Variants in PACRG observed in about 807,000 individuals in gnomAD.
PACRG encodes the protein parkin coregulated gene protein.
In PACRG, 29 loss-of-function variants were observed where a neutral mutation model predicts 29.7. The ratio of observed to expected loss-of-function variants is 0.98; its 90% CI spans 0.73 to 1.33. PACRG has a LOEUF of 1.33. Ranked by LOEUF, PACRG falls within the 40% of genes most tolerant of loss-of-function variation. The pLI is 0.00. For synonymous variants in PACRG, 116 were observed against 118.7 expected (o/e 0.98, Z 0.15); for missense variants, 279 against 316.2 (o/e 0.88, Z 0.89).
chr6:163,063,549 T>A (rs899857666), intron 3 of PACRG, among the ~76,000 whole-genome samples: 8 of 152,232 alleles, frequency 5.3e-5, no homozygotes, highest in Admixed American at 3.9e-4. Flanking sequence ...CCATTTTTAT[T>A]CATTCATTCG....
chr6:163,159,875 T>A (rs1365427483), intron 4 of PACRG, among the ~76,000 whole-genome samples: 2 of 152,172 alleles, frequency 1.3e-5, no homozygotes, highest in Non-Finnish European at 2.9e-5. Flanking sequence ...GTGGCCCCGA[T>A]CCTCATTCCG....
chr6:162,887,153 C>T (rs1279418048), intron 2 of PACRG, among the ~76,000 whole-genome samples: 1 of 152,200 alleles, frequency 6.6e-6, no homozygotes, highest in African/African-American at 2.4e-5. Context: ...TGCTCACCAT[C>T]ATAAGGCCAG....
chr6:163,287,774 A>G (rs921984745), intron 4 of PACRG, among the ~76,000 whole-genome samples: 3 of 152,204 alleles, frequency 2.0e-5, no homozygotes, highest in Non-Finnish European at 4.4e-5. Context: ...GAACCGGGGT[A>G]CATGTGTTGC....
intron 4 of PACRG, among the ~76,000 whole-genome samples, chr6:163,203,369 C>T (rs571621558): frequency 5.9e-5 from 9 of 152,234 alleles, no homozygotes; most frequent in African/African-American, 2.2e-4. Flanking sequence ...GCCGAGATTG[C>T]GCCATTGCAC....
At chr6:162,913,831 C>G (rs1190203020) in intron 2 of PACRG, among the ~76,000 whole-genome samples, 1 of 152,020 alleles carries the variant, frequency 6.6e-6, no homozygotes, top group Non-Finnish European at 1.5e-5. Flanking sequence ...TTTTAATGTG[C>G]TTCTATATCT....
chr6:163,034,422 G>A (rs969418422), intron 2 of PACRG, among the ~76,000 whole-genome samples: 3 of 152,122 alleles, frequency 2.0e-5, no homozygotes, highest in South Asian at 2.1e-4. Flanking sequence ...ACCAAGAGGG[G>A]CCTCTAAACC....
At chr6:162,766,705 A>C (rs956306202) in intron 1 of PACRG, among the ~76,000 whole-genome samples, 1 of 152,140 alleles carries the variant, frequency 6.6e-6, no homozygotes, top group African/African-American at 2.4e-5. Flanking sequence ...TTTCTAAGTT[A>C]TATTTTTCTA....
rs903932787 is a variant in PACRG at position 163,315,184 on chromosome 6, A to C, written c.*197A>C. ...TACATAAATAGTGTCTGTTTCTTAG[A>C]TTACAATAGTGTACTGTGCTTATTT... On this transcript the variant is annotated 3_prime_UTR_variant, in exon 5 of 5. Transcript: ENST00000366888. The C allele has an allele frequency of 6.9e-6, 4 of 583,702 alleles. No homozygotes were observed. In the Admixed American group the frequency reaches 1.3e-4, roughly 19 times the overall value. 36.2% of individuals were successfully genotyped at this position (583,702 alleles called of 1,614,324 possible).
intron 4 of PACRG, among the ~76,000 whole-genome samples, chr6:163,120,303 T>A (rs1039042862): frequency 6.6e-6 from 1 of 152,130 alleles, no homozygotes; most frequent in Non-Finnish European, 1.5e-5. Flanking sequence ...TCTTAAAGGA[T>A]CTCCCTTGTT....
intron 2 of PACRG, among the ~76,000 whole-genome samples, chr6:162,856,378 T>G (rs1265881851): frequency 6.6e-6 from 1 of 152,156 alleles, no homozygotes; most frequent in African/African-American, 2.4e-5. Context: ...ATTGTGCATA[T>G]AGCCGTGGAA....
intron 2 of PACRG, among the ~76,000 whole-genome samples, chr6:162,896,639 T>C (rs1341890121): frequency 1.3e-5 from 2 of 152,268 alleles, no homozygotes; most frequent in South Asian, 2.1e-4. Flanking sequence ...AACGTATCCA[T>C]GTGTTCATTT....
rs1285404713 is a variant in PACRG, at chr6:163,089,320, G to C, written c.525G>C (p.Leu175=). ...TCACTCTCAAGGTCCTCCAGCATCT[G>C]GTTGTGTCAGCTGAGATGGTGGGCA... ...ICVTLKVLQH[L]VVSAEMVGKA... The change falls in exon 4 of 5, where the codon CTG becomes CTC. Residue 175 remains leucine (L), a synonymous_variant. Transcript: ENST00000366888. The C allele has an allele frequency of 6.2e-7, 1 of 1,613,988 alleles. No individual in the cohort carries two copies.
intron 2 of PACRG, among the ~76,000 whole-genome samples, chr6:162,895,097 AC>A (rs1171918366): frequency 2.8e-5 from 4 of 143,314 alleles, no homozygotes; most frequent in African/African-American, 7.7e-5. Flanking sequence ...CCCCGTCTCT[AC>A]CCCCCCGCCC....
intron 2 of PACRG, among the ~76,000 whole-genome samples, chr6:162,839,320 G>C (rs1341427491): frequency 1.3e-3 from 144 of 115,148 alleles, no homozygotes; most frequent in African/African-American, 4.9e-3. Flanking sequence ...TTGTGGTTTT[G>C]ATTTGCATTT....
At chr6:163,250,582 C>T (rs1782863684) in intron 4 of PACRG, among the ~76,000 whole-genome samples, 1 of 152,166 alleles carries the variant, frequency 6.6e-6, no homozygotes, top group Non-Finnish European at 1.5e-5. Flanking sequence ...GTTTGACTTC[C>T]TCTTTACCAA....
intron 4 of PACRG, among the ~76,000 whole-genome samples, chr6:163,104,682 A>G (rs1815283783): frequency 6.6e-6 from 1 of 152,224 alleles, no homozygotes; most frequent in South Asian, 2.1e-4. Flanking sequence ...TAGGCAATTT[A>G]ATTTACACAA....
At chr6:162,883,822 C>T (rs1417984517) in intron 2 of PACRG, among the ~76,000 whole-genome samples, 1 of 151,978 alleles carries the variant, frequency 6.6e-6, no homozygotes, top group South Asian at 2.1e-4. Context: ...TTTGAGTCCC[C>T]CAAAATTTAA....
intron 2 of PACRG, among the ~76,000 whole-genome samples, chr6:162,992,348 C>T (rs1418798570): frequency 7.3e-5 from 9 of 122,894 alleles, no homozygotes; most frequent in South Asian, 3.1e-4. Context: ...TGGTAGAATT[C>T]GGCTGTGAAT....
intron 3 of PACRG, among the ~76,000 whole-genome samples, chr6:163,077,907 T>A (rs932778148): frequency 2.0e-5 from 3 of 152,068 alleles, no homozygotes; most frequent in Non-Finnish European, 4.4e-5. Context: ...GCACCCACGA[T>A]GGAGGCGGCA....
Sources: allele counts gnomAD v4.1 joint callset (sites outside exome capture counted in the v4.1 genomes callset), GRCh38; gene constraint gnomAD v4.1.1; transcripts MANE v1.5; gene names NCBI Gene and HGNC (gene_info 2026-07-23, HGNC 2026-07-21).